MYT1L: variants seen among roughly 807,000 people sequenced by gnomAD.
MYT1L encodes the protein myelin transcription factor 1 like, also known as myelin transcription factor 1-like protein.
MYT1L carries 12 observed loss-of-function variants against 126.7 expected under a neutral mutation model. The observed-to-expected ratio is 0.09, with a 90% CI of 0.06 to 0.15. MYT1L has a LOEUF of 0.15. Among genes scored for constraint, MYT1L ranks in the 10% least tolerant of loss-of-function variants. The pLI is 1.00. For missense variants in MYT1L, 979 were observed against 1,585.2 expected, an observed-to-expected ratio of 0.62 and a Z score of 6.49; for synonymous variants, 541 against 604.2, an observed-to-expected ratio of 0.90 and a Z score of 1.53.
chr2:1,934,310 A>ACACACG (rs2055524428), intron 9 of MYT1L, among the ~76,000 whole-genome samples: 1 of 148,110 alleles, frequency 6.8e-6, no homozygotes, highest in Non-Finnish European at 1.5e-5. Flanking sequence ...ATATATATAC[A>ACACACG]ACCTCATATA....
chr2:2,091,250 T>C (rs777160517), intron 3 of MYT1L, among the ~76,000 whole-genome samples: 4 of 152,242 alleles, frequency 2.6e-5, no homozygotes, highest in Non-Finnish European at 5.9e-5. Context: ...TCCTGATCCA[T>C]GGTCTGTAGA....
At chr2:2,219,968 G>C (rs1445633565) in intron 2 of MYT1L, among the ~76,000 whole-genome samples, 1 of 151,710 alleles carries the variant, frequency 6.6e-6, no homozygotes, top group Non-Finnish European at 1.5e-5. Context: ...CCCTTGCAGA[G>C]TTTTGAGCTA....
chr2:2,313,758 C>A (rs1339315655), intron 1 of MYT1L, among the ~76,000 whole-genome samples: 2 of 152,122 alleles, frequency 1.3e-5, no homozygotes, highest in Non-Finnish European at 2.9e-5. Flanking sequence ...ATACATTCTG[C>A]AAGTCATGTT....
At chr2:2,075,936 G>T (rs1299564267) in intron 3 of MYT1L, among the ~76,000 whole-genome samples, 1 of 152,238 alleles carries the variant, frequency 6.6e-6, no homozygotes, top group Non-Finnish European at 1.5e-5. Context: ...ACAAGGAAAA[G>T]AATTGATGGG....
rs925305507 is a variant in MYT1L at position 1,956,668 on chromosome 2, TATC to T, written c.153-13337_153-13335del. Reference sequence around the variant, plus strand: ...TCTATTTATCTATCTATCATCTATCTATCATCATCATCATGATTACCTGTCTAT... The same window carrying T: ...TCTATTTATCTATCTATCATCTATCTATCATCATCATGATTACCTGTCTAT... On this transcript the variant is annotated intron_variant, in intron 8 of 24. Transcript: ENST00000647738. Among the ~76,000 whole-genome samples, 29 of 151,956 alleles carry T rather than the reference TATC, an allele frequency of 1.9e-4. No homozygotes were observed. The East Asian group carries it at 3.1e-3, about 16-fold the overall frequency.
intron 2 of MYT1L, among the ~76,000 whole-genome samples, chr2:2,219,553 G>A (rs1388488719): frequency 2.0e-5 from 3 of 152,158 alleles, no homozygotes. Context: ...ATTTGCCCTG[G>A]CATGCTTATA....
intron 21 of MYT1L, among the ~76,000 whole-genome samples, chr2:1,833,148 G>C (rs1014411724): frequency 6.6e-6 from 1 of 152,190 alleles, no homozygotes; most frequent in African/African-American, 2.4e-5. Context: ...TGAGTGTAAA[G>C]CCAGTGTCCC....
Position 1,917,359 on chromosome 2 carries a change from C to T in MYT1L, c.1484-20G>A, listed in dbSNP as rs760211535. 1 of 1,586,542 alleles carries T rather than the reference C, an allele frequency of 6.3e-7. No individual in the cohort carries two copies. Among genetic ancestry groups the T allele is most frequent in the Admixed American group, 1.8e-5 (1 of 57,048 alleles). On this transcript the variant is annotated intron_variant, in intron 10 of 24. Coordinates refer to ENST00000647738, the MANE Select transcript of MYT1L (RefSeq NM_001303052.2). This position sits in a 1 kb window ranked among gnomAD's most constrained non-coding sequence, Gnocchi z 5.9. The stretch of plus-strand genomic sequence containing the variant: ...AGGGATCTAAAAGCGACAACAGGTG[C>T]CAAGAGAATAAATGTTTACCAATCA...
intron 3 of MYT1L, among the ~76,000 whole-genome samples, chr2:2,120,049 T>G (rs761904599): frequency 6.6e-6 from 1 of 152,164 alleles, no homozygotes; most frequent in Admixed American, 6.5e-5. Context: ...CTTAGGAGAT[T>G]TGCCCAGCTC....
In MYT1L at chr2:2,090,280, C is replaced by A. The variant is rs144566435; in HGVS notation, c.-303-36157G>T. ...ATACAGGCATACCTCAGAGATACTGCAGGCTCACACCAGACCACCACAATA... is the reference window on the plus strand; with the variant it reads ...ATACAGGCATACCTCAGAGATACTGAAGGCTCACACCAGACCACCACAATA... On this transcript the variant is annotated intron_variant, in intron 3 of 24. Transcript: ENST00000647738. 4.0e-3 allele frequency among the ~76,000 whole-genome samples: 612 copies of A among 152,282 alleles called. 5 individuals are homozygous for A. Among genetic ancestry groups the A allele is most frequent in the African/African-American group, 0.014 (584 of 41,558 alleles).
chr2:2,121,248 T>C (rs1049023604), intron 3 of MYT1L, among the ~76,000 whole-genome samples: 1 of 152,216 alleles, frequency 6.6e-6, no homozygotes, highest in Non-Finnish European at 1.5e-5. Flanking sequence ...CTCGGCTCAC[T>C]GCAAACTCCA....
chr2:2,141,288 TAATAAAC>T (rs1367793330), intron 3 of MYT1L, among the ~76,000 whole-genome samples: 1 of 152,224 alleles, frequency 6.6e-6, no homozygotes, highest in Non-Finnish European at 1.5e-5. Flanking sequence ...GCCTTTCCAC[TAATAAAC>T]ATATGGATTT....
rs1480573434 is a variant in MYT1L, at chr2:1,793,616, T to C, written c.3277-1152A>G. On this transcript the variant is annotated intron_variant, in intron 23 of 24. Coordinates refer to ENST00000647738, the MANE Select transcript of MYT1L (RefSeq NM_001303052.2). The surrounding 1 kb of genome is among the most constrained non-coding windows in gnomAD (Gnocchi z 4.6). The stretch of plus-strand genomic sequence containing the variant: ...TCACCAGCCTCAGGCCCAGACCCTC[T>C]GTTAGAAAACTGAAGCACCTCAGAG... 1.3e-5 allele frequency among the ~76,000 whole-genome samples: 2 copies of C among 152,168 alleles called. No homozygotes were observed. The highest frequency in any genetic ancestry group is 2.9e-5 in the Non-Finnish European group (2 of 68,034).
chr2:1,849,622 G>A (rs1259065655), intron 19 of MYT1L, among the ~76,000 whole-genome samples: 3 of 152,240 alleles, frequency 2.0e-5, no homozygotes, highest in African/African-American at 4.8e-5. Context: ...CCCACGGTGC[G>A]GAGGACGGCC....
At chr2:1,795,427 G>A (rs2033249015) in intron 23 of MYT1L, 1 of 152,500 alleles carries the variant, frequency 6.6e-6, no homozygotes, top group Admixed American at 6.5e-5. Context: ...GCTCCGCCCA[G>A]GCCCTCATAC....
chr2:2,272,279 C>T (rs756318702), intron 2 of MYT1L, among the ~76,000 whole-genome samples: 10 of 152,254 alleles, frequency 6.6e-5, no homozygotes, highest in African/African-American at 1.9e-4. Flanking sequence ...GCCCTGTCAT[C>T]GTCCACTCCT....
At chr2:2,026,641 G>A (rs1457992628) in intron 4 of MYT1L, among the ~76,000 whole-genome samples, 1 of 152,214 alleles carries the variant, frequency 6.6e-6, no homozygotes, top group Non-Finnish European at 1.5e-5. Context: ...TGCAGGTCAA[G>A]GTTCGCTGCA....
chr2:1,970,770 G>C (rs1006048847), intron 8 of MYT1L, among the ~76,000 whole-genome samples: 4 of 152,154 alleles, frequency 2.6e-5, no homozygotes, highest in Non-Finnish European at 5.9e-5. Flanking sequence ...TGTTTCAGTG[G>C]GTAAACCTCA....
At chr2:2,040,821 T>C (rs866805377) in intron 4 of MYT1L, among the ~76,000 whole-genome samples, 1 of 152,198 alleles carries the variant, frequency 6.6e-6, no homozygotes, top group African/African-American at 2.4e-5. Context: ...ATTTCATTTA[T>C]TATTATATCA....
Sources: gnomAD v4.1 joint callset for allele counts (sites outside exome capture counted in the v4.1 genomes callset) on GRCh38, gnomAD v4.1.1 for gene constraint, Gnocchi (gnomAD v3.1) non-coding constraint, MANE v1.5 for transcripts, NCBI Gene and HGNC (gene_info 2026-07-23, HGNC 2026-07-21) for gene names.